CNTNAP2: variants seen among roughly 807,000 people sequenced by gnomAD.
CNTNAP2 encodes contactin associated protein 2, also known as contactin-associated protein-like 2.
CNTNAP2 carries 98 observed loss-of-function variants against 155.2 expected under a neutral mutation model. The ratio of observed to expected loss-of-function variants is 0.63; its 90% CI spans 0.54 to 0.75. The LOEUF (loss-of-function observed/expected upper bound fraction) is 0.75, where lower values mean the gene tolerates loss of function less well. CNTNAP2 is among the 30% of genes least tolerant of loss of function. The pLI is 0.00. For synonymous variants in CNTNAP2, 651 were observed against 631.2 expected, an observed-to-expected ratio of 1.03 and a Z score of -0.47; for missense variants, 1,727 against 1,688.1, an observed-to-expected ratio of 1.02 and a Z score of -0.40.
chr7:147,211,853 C>CAAAGT (rs1803153230), intron 8 of CNTNAP2, among the ~76,000 whole-genome samples: 2 of 151,916 alleles, frequency 1.3e-5, no homozygotes, highest in South Asian at 4.1e-4. Flanking sequence ...AAACTGTTAA[C>CAAAGT]AAAGTAAACA....
chr7:146,574,996 A>G (rs1407994016), intron 1 of CNTNAP2, among the ~76,000 whole-genome samples: 2 of 152,060 alleles, frequency 1.3e-5, no homozygotes, highest in African/African-American at 2.4e-5. Flanking sequence ...GTTTCCCCTC[A>G]TACATTTTTG....
intron 11 of CNTNAP2, among the ~76,000 whole-genome samples, chr7:147,501,105 C>T (rs940437843): frequency 5.3e-5 from 8 of 151,804 alleles, no homozygotes; most frequent in Middle Eastern, 3.4e-3. Flanking sequence ...GTGATTACAC[C>T]GTATAAACAA....
At chr7:147,312,500 G>T (rs1337009746) in intron 9 of CNTNAP2, among the ~76,000 whole-genome samples, 1 of 129,712 alleles carries the variant, frequency 7.7e-6, no homozygotes, top group African/African-American at 3.2e-5. Flanking sequence ...CTATGAGTGA[G>T]AACGTGTGGT....
At chr7:147,353,714 A>G (rs577235211) in intron 9 of CNTNAP2, among the ~76,000 whole-genome samples, 23 of 152,212 alleles carry the variant, frequency 1.5e-4, no homozygotes, top group African/African-American at 5.5e-4. Flanking sequence ...TCCTTGAGGA[A>G]TGGCCACACC....
chr7:147,730,527 AC>A (rs1796720863), intron 13 of CNTNAP2, among the ~76,000 whole-genome samples: 7 of 152,196 alleles, frequency 4.6e-5, no homozygotes, highest in African/African-American at 1.7e-4. Context: ...CCCGTACAAG[AC>A]AATGAATTTA....
At chr7:146,912,066 A>G (rs1562998638) in intron 3 of CNTNAP2, among the ~76,000 whole-genome samples, 3 of 151,580 alleles carry the variant, frequency 2.0e-5, no homozygotes, top group South Asian at 2.1e-4. Flanking sequence ...TGTTATTTTA[A>G]AAGTATGTAT....
chr7:148,266,194 A>G (rs1796664963), intron 20 of CNTNAP2, among the ~76,000 whole-genome samples: 1 of 152,210 alleles, frequency 6.6e-6, no homozygotes, highest in African/African-American at 2.4e-5. Flanking sequence ...AGCACGTATT[A>G]AACTCACTTC....
intron 1 of CNTNAP2, among the ~76,000 whole-genome samples, chr7:146,294,777 G>A (rs1800485806): frequency 1.3e-5 from 2 of 152,082 alleles, no homozygotes; most frequent in South Asian, 4.1e-4. Flanking sequence ...ATTTATCCAT[G>A]TTTTGAGCTA....
intron 2 of CNTNAP2, among the ~76,000 whole-genome samples, chr7:146,802,548 G>A (rs1332203704): frequency 6.6e-6 from 1 of 152,088 alleles, no homozygotes; most frequent in Admixed American, 6.5e-5. Context: ...ACGATAGTGA[G>A]TGAGTTCTCA....
At chr7:146,783,477 A>G (rs1213646855) in intron 2 of CNTNAP2, among the ~76,000 whole-genome samples, 1 of 152,194 alleles carries the variant, frequency 6.6e-6, no homozygotes, top group Non-Finnish European at 1.5e-5. Context: ...GGAGTTTTAT[A>G]AAATTAAATG....
At chr7:146,778,790 A>G (rs1802434023) in intron 2 of CNTNAP2, among the ~76,000 whole-genome samples, 1 of 152,194 alleles carries the variant, frequency 6.6e-6, no homozygotes, top group South Asian at 2.1e-4. Context: ...CTTCTGCCAA[A>G]CTTTCAACCT....
intron 22 of CNTNAP2, chr7:148,389,893 A>G (rs1164093914): frequency 2.6e-5 from 4 of 152,122 alleles, no homozygotes; most frequent in East Asian, 1.9e-4. Context: ...AAAAATCCCA[A>G]TATCTAGTAC....
At chr7:147,374,514 G>T (rs1796402253) in intron 9 of CNTNAP2, among the ~76,000 whole-genome samples, 1 of 151,916 alleles carries the variant, frequency 6.6e-6, no homozygotes, top group African/African-American at 2.4e-5. Context: ...TATCCATATG[G>T]TTACATAGTC....
At chr7:147,565,395 A>T (rs988458976) in intron 12 of CNTNAP2, among the ~76,000 whole-genome samples, 3 of 151,942 alleles carry the variant, frequency 2.0e-5, no homozygotes, top group Non-Finnish European at 4.4e-5. Context: ...TTATTTTTCA[A>T]TTGCAGTGGG....
chr7:146,675,653 C>A (rs1167406108), intron 1 of CNTNAP2, among the ~76,000 whole-genome samples: 3 of 152,130 alleles, frequency 2.0e-5, no homozygotes, highest in African/African-American at 4.8e-5. Context: ...TTAAGTGGTT[C>A]AAGAGCTCCC....
intron 11 of CNTNAP2, among the ~76,000 whole-genome samples, chr7:147,519,421 A>G (rs1397248487): frequency 6.6e-6 from 1 of 152,230 alleles, no homozygotes; most frequent in African/African-American, 2.4e-5. Flanking sequence ...TCCTACCTCA[A>G]GATCCTTAAC....
Position 148,219,757 on chromosome 7 carries a change from C to T in CNTNAP2, c.3247+2233C>T, listed in dbSNP as rs532118607. Among the ~76,000 whole-genome samples, 52 of 151,994 alleles carry T rather than the reference C, an allele frequency of 3.4e-4. No individual in the cohort carries two copies. In the South Asian group the frequency reaches 0.011, roughly 31 times the overall value. Reference sequence around the variant, plus strand: ...GCTGAGGGGGGAGGATCGCTGGAGCCCAGAAGTTGCTGGAGCCCAGAAGTG... The same window carrying T: ...GCTGAGGGGGGAGGATCGCTGGAGCTCAGAAGTTGCTGGAGCCCAGAAGTG... On this transcript the variant is annotated intron_variant, in intron 19 of 23. Coordinates refer to ENST00000361727, the MANE Select transcript of CNTNAP2 (RefSeq NM_014141.6).
intron 1 of CNTNAP2, among the ~76,000 whole-genome samples, chr7:146,531,180 G>C (rs1318987163): frequency 1.3e-5 from 2 of 152,118 alleles, no homozygotes; most frequent in East Asian, 3.9e-4. Context: ...GAGTACATAT[G>C]AGCACAAAAA....
chr7:147,664,667 TG>T (rs972629608), intron 13 of CNTNAP2, among the ~76,000 whole-genome samples: 1 of 152,186 alleles, frequency 6.6e-6, no homozygotes, highest in African/African-American at 2.4e-5. Context: ...GAAATCTCTT[TG>T]AATCTACTCT....
Sources: gnomAD v4.1 joint callset for allele counts (sites outside exome capture counted in the v4.1 genomes callset) on GRCh38, gnomAD v4.1.1 for gene constraint, MANE v1.5 for transcripts, NCBI Gene and HGNC (gene_info 2026-07-23, HGNC 2026-07-21) for gene names.